Variants in ZFYVE9 observed in about 807,000 individuals in gnomAD.
ZFYVE9 encodes zinc finger FYVE domain-containing protein 9.
Under a neutral mutation model 126.7 loss-of-function variants are expected in ZFYVE9, and 43 were observed. That is an observed-to-expected ratio of 0.34 (90% CI 0.27 to 0.44). The LOEUF is 0.44. ZFYVE9 is among the 20% of genes least tolerant of loss of function. ZFYVE9 has a pLI of 1.00. For missense variants in ZFYVE9, 1,476 were observed against 1,697.0 expected, an observed-to-expected ratio of 0.87 and a Z score of 2.29; for synonymous variants, 521 against 597.4, an observed-to-expected ratio of 0.87 and a Z score of 1.87.
intron 5 of ZFYVE9, among the ~76,000 whole-genome samples, chr1:52,264,781 A>G (rs1645616740): frequency 6.6e-6 from 1 of 152,148 alleles, no homozygotes; most frequent in African/African-American, 2.4e-5. Context: ...TGGCTTATTA[A>G]CCTGTTGCAT....
chr1:52,174,248 C>T (rs1365083882), intron 1 of ZFYVE9, among the ~76,000 whole-genome samples: 10 of 152,108 alleles, frequency 6.6e-5, no homozygotes, highest in Non-Finnish European at 1.5e-5. Context: ...TTTCTGCCTT[C>T]ATTTTGTTAT....
intron 15 of ZFYVE9, among the ~76,000 whole-genome samples, chr1:52,336,387 T>TTC (rs71041895): frequency 2.8e-5 from 4 of 145,386 alleles, no homozygotes; most frequent in Admixed American, 6.8e-5. Context: ...TTTTTTTTTT[T>TTC]AAGATGGAGG....
intron 1 of ZFYVE9, among the ~76,000 whole-genome samples, chr1:52,211,660 C>T (rs527537201): frequency 3.9e-5 from 6 of 152,134 alleles, no homozygotes; most frequent in East Asian, 1.9e-4. Flanking sequence ...GTCAACACTG[C>T]GAGACCCCAT....
At chr1:52,276,951 C>G (rs1385003479) in intron 8 of ZFYVE9, among the ~76,000 whole-genome samples, 1 of 152,180 alleles carries the variant, frequency 6.6e-6, no homozygotes, top group Non-Finnish European at 1.5e-5. Flanking sequence ...TCAGCAAATG[C>G]TGTCTATATT....
rs507762 is a variant in ZFYVE9, at chr1:52,186,432, C to T, written c.-142-29937C>T. On this transcript the variant is annotated intron_variant, in intron 1 of 18. Coordinates refer to ENST00000287727, the MANE Select transcript of ZFYVE9 (RefSeq NM_004799.4). ...CACAAGACAAGGATGCCCTTTTTCA[C>T]TACTCCTATTCAGCACAGTATTGGA... 9.0e-3 allele frequency among the ~76,000 whole-genome samples: 1,373 copies of T among 152,182 alleles called. 19 individuals are homozygous for T. The highest frequency in any genetic ancestry group is 0.031 in the African/African-American group (1,307 of 41,514).
chr1:52,211,472 T>C (rs1196930199), intron 1 of ZFYVE9, among the ~76,000 whole-genome samples: 1 of 152,196 alleles, frequency 6.6e-6, no homozygotes, highest in Non-Finnish European at 1.5e-5. Flanking sequence ...CTTGGAAGAT[T>C]GAATGTGATT....
chr1:52,258,079 C>G (rs545269490), intron 4 of ZFYVE9, among the ~76,000 whole-genome samples: 9 of 152,216 alleles, frequency 5.9e-5, no homozygotes, highest in Admixed American at 4.6e-4. Flanking sequence ...AAGCAATAAG[C>G]AAATATTTAC....
chr1:52,210,173 A>C (rs887726187), intron 1 of ZFYVE9, among the ~76,000 whole-genome samples: 1 of 152,204 alleles, frequency 6.6e-6, no homozygotes, highest in Non-Finnish European at 1.5e-5. Flanking sequence ...CAAGTGGATG[A>C]TAATGCACTT....
chr1:52,168,321 G>A (rs1644532568), intron 1 of ZFYVE9, among the ~76,000 whole-genome samples: 1 of 147,616 alleles, frequency 6.8e-6, no homozygotes, highest in African/African-American at 2.5e-5. Context: ...GGTTCAAGCA[G>A]TTGTCCTGTC....
chr1:52,187,396 A>C (rs1230810973), intron 1 of ZFYVE9, among the ~76,000 whole-genome samples: 1 of 152,252 alleles, frequency 6.6e-6, no homozygotes, highest in Non-Finnish European at 1.5e-5. Flanking sequence ...CATTTTGGAC[A>C]TAGGAACTGG....
At chr1:52,269,484 T>G (rs961182398) in intron 7 of ZFYVE9, among the ~76,000 whole-genome samples, 8 of 152,192 alleles carry the variant, frequency 5.3e-5, no homozygotes, top group Non-Finnish European at 1.2e-4. Flanking sequence ...TAGTTACTAA[T>G]TATTTATATT....
intron 1 of ZFYVE9, among the ~76,000 whole-genome samples, chr1:52,200,039 T>TA (rs397816027): frequency 2.0e-5 from 3 of 150,460 alleles, no homozygotes; most frequent in African/African-American, 7.3e-5. Context: ...TTTTTTTTTT[T>TA]ATTATTGTTT....
chr1:52,161,181 C>T (rs973918633), intron 1 of ZFYVE9, among the ~76,000 whole-genome samples: 6 of 152,226 alleles, frequency 3.9e-5, no homozygotes, highest in Admixed American at 3.9e-4. Flanking sequence ...TATATAGTTG[C>T]TCTAGGTAAT....
chr1:52,345,055 T>C, intron 18 of ZFYVE9, 111 bp downstream of exon 18: 1 of 1,187,006 alleles, frequency 8.4e-7, no homozygotes, highest in Non-Finnish European at 1.2e-6. Flanking sequence ...CCTTCTGGCC[T>C]GACTGGATAT....
chr1:52,196,263 GAAGTGAAAATTTT>G (rs1644859301), intron 1 of ZFYVE9, among the ~76,000 whole-genome samples: 1 of 152,210 alleles, frequency 6.6e-6, no homozygotes, highest in Non-Finnish European at 1.5e-5. Context: ...GCTAAATGTT[GAAGTGAAAATTTT>G]ACAGTGGTTC....
intron 4 of ZFYVE9, among the ~76,000 whole-genome samples, chr1:52,242,127 G>A (rs924500839): frequency 1.3e-5 from 2 of 150,698 alleles, no homozygotes; most frequent in Non-Finnish European, 2.9e-5. Context: ...TGCCTCCTGG[G>A]CTCAGGCAAT....
chr1:52,343,732 G>A (rs1569795123), intron 17 of ZFYVE9, among the ~76,000 whole-genome samples: 1 of 150,440 alleles, frequency 6.6e-6, no homozygotes, highest in East Asian at 2.0e-4. Context: ...CTCCAGCCTG[G>A]GCGGTGGGCA....
chr1:52,168,773 C>T (rs1644537512), intron 1 of ZFYVE9, among the ~76,000 whole-genome samples: 2 of 152,108 alleles, frequency 1.3e-5, no homozygotes, highest in African/African-American at 2.4e-5. Flanking sequence ...GCCTCAGCCT[C>T]CCAGAGTACT....
At chr1:52,180,452 G>A in intron 1 of ZFYVE9, 1 of 1,225,344 alleles carries the variant, frequency 8.2e-7, no homozygotes, top group South Asian at 1.2e-5. Context: ...CAATTAAGAG[G>A]GACCTGGAGG....
Sources: gnomAD v4.1 joint callset for allele counts (sites outside exome capture counted in the v4.1 genomes callset) on GRCh38, gnomAD v4.1.1 for gene constraint, MANE v1.5 for transcripts, NCBI Gene and HGNC (gene_info 2026-07-23, HGNC 2026-07-21) for gene names.